The following HERC3 variants were observed in gnomAD, a reference collection of about 807,000 sequenced individuals.
The protein encoded by HERC3 is HECT and RLD domain containing E3 ubiquitin protein ligase 3, also known as probable E3 ubiquitin-protein ligase HERC3.
HERC3 carries 58 observed loss-of-function variants against 129.9 expected under a neutral mutation model. That is an observed-to-expected ratio of 0.45 (90% CI 0.36 to 0.56). The LOEUF is 0.56. HERC3 is among the 20% of genes least tolerant of loss of function. The pLI, the probability that HERC3 is intolerant of heterozygous loss-of-function variation, is 0.00. For synonymous variants in HERC3, 430 were observed against 451.0 expected, an observed-to-expected ratio of 0.95 and a Z score of 0.59; for missense variants, 835 against 1,244.2, an observed-to-expected ratio of 0.67 and a Z score of 4.95.
At chr4:88,655,854 A>G (rs1729839061) in intron 8 of HERC3, 21 bp from the exon 9 acceptor site, 2 of 1,600,286 alleles carry the variant, frequency 1.2e-6, no homozygotes, top group African/African-American at 1.3e-5. Context: ...TATGCTGATG[A>G]GTTAAATTAT....
intron 3 of HERC3, among the ~76,000 whole-genome samples, chr4:88,648,110 T>C (rs1441937833): frequency 6.6e-6 from 1 of 152,230 alleles, no homozygotes; most frequent in East Asian, 1.9e-4. Context: ...TAGTTTTTCC[T>C]GAAGTTACTG....
At chr4:88,555,615 G>A in the HERC3 span, among the ~76,000 whole-genome samples, 1 of 152,158 alleles carries the variant, frequency 6.6e-6, no homozygotes, top group South Asian at 2.1e-4. Context: ...GGTATTTTGT[G>A]TATTTATTGA....
the HERC3 span, among the ~76,000 whole-genome samples, chr4:88,572,773 C>A: frequency 6.7e-6 from 1 of 150,130 alleles, no homozygotes. Context: ...TGTACCACTG[C>A]ACTCCAGCCT....
the HERC3 span, among the ~76,000 whole-genome samples, chr4:88,529,627 G>A: frequency 4.6e-5 from 7 of 151,956 alleles, no homozygotes; most frequent in East Asian, 1.9e-4. Context: ...GGTGGCAGGC[G>A]CCAGTAATCC....
chr4:88,661,478 GA>G (rs993608276), intron 10 of HERC3, among the ~76,000 whole-genome samples: 2 of 151,972 alleles, frequency 1.3e-5, no homozygotes, highest in Admixed American at 6.6e-5. Flanking sequence ...GTACAAAGGA[GA>G]AAAAAAATCT....
intron 3 of HERC3, among the ~76,000 whole-genome samples, chr4:88,632,214 A>G (rs1345430721): frequency 1.3e-5 from 2 of 152,216 alleles, no homozygotes; most frequent in Admixed American, 1.3e-4. Flanking sequence ...CTTAGCATAT[A>G]AATGATCTTG....
chr4:88,627,340 A>G (rs959624623), intron 3 of HERC3, among the ~76,000 whole-genome samples: 1 of 152,212 alleles, frequency 6.6e-6, no homozygotes, highest in African/African-American at 2.4e-5. Flanking sequence ...AATTACAACA[A>G]TAAAAATAAT....
At chr4:88,544,280 C>T in the HERC3 span, among the ~76,000 whole-genome samples, 1 of 152,182 alleles carries the variant, frequency 6.6e-6, no homozygotes, top group Non-Finnish European at 1.5e-5. Context: ...AGACACTTCT[C>T]AAAAGAAGAC....
At chr4:88,564,577 A>T in the HERC3 span, among the ~76,000 whole-genome samples, 1 of 152,264 alleles carries the variant, frequency 6.6e-6, no homozygotes, top group Non-Finnish European at 1.5e-5. Context: ...CTGTGGTATC[A>T]GTTGCAATGT....
intron 2 of HERC3, among the ~76,000 whole-genome samples, chr4:88,597,085 G>GT (rs918254326): frequency 3.3e-5 from 5 of 151,696 alleles, no homozygotes; most frequent in Non-Finnish European, 7.4e-5. Flanking sequence ...TTTGTTTTTT[G>GT]TTTTTTTCCT....
At chr4:88,594,618 A>G (rs75432291) in intron 1 of HERC3, among the ~76,000 whole-genome samples, 3,156 of 152,220 alleles carry the variant, frequency 0.021, 55 homozygotes, top group Non-Finnish European at 0.032. Flanking sequence ...GGGTTTTGCC[A>G]TGTTGCTCAG....
intron 3 of HERC3, among the ~76,000 whole-genome samples, chr4:88,616,969 A>G (rs1051492192): frequency 6.6e-6 from 1 of 152,038 alleles, no homozygotes; most frequent in Admixed American, 6.6e-5. Flanking sequence ...AAGCCTGCAT[A>G]TATTCCCCAA....
the HERC3 span, among the ~76,000 whole-genome samples, chr4:88,551,226 C>T: frequency 6.6e-6 from 1 of 152,286 alleles, no homozygotes; most frequent in Non-Finnish European, 1.5e-5. Context: ...TAGACATGGG[C>T]AAGGACTTCA....
At chr4:88,681,018 T>A in intron 20 of HERC3, 141 bp from the exon 21 acceptor site, 1 of 1,431,246 alleles carries the variant, frequency 7.0e-7, no homozygotes, top group Non-Finnish European at 9.1e-7. Context: ...TGTCAGGGTG[T>A]TTCTTTGCTA....
chr4:88,655,124 G>T, intron 7 of HERC3, 50 bp from the exon 8 acceptor site: 2 of 1,599,434 alleles, frequency 1.3e-6, no homozygotes, highest in South Asian at 2.2e-5. Flanking sequence ...GGGTTTAGAG[G>T]TATACCCTTA....
chr4:88,634,102 G>A (rs1184911355), intron 3 of HERC3, among the ~76,000 whole-genome samples: 1 of 148,828 alleles, frequency 6.7e-6, no homozygotes, highest in Non-Finnish European at 1.5e-5. Context: ...AGTGTGGTGC[G>A]GCGGCCCACC....
In HERC3 at chr4:88,668,004, C is replaced by G; in HGVS notation, c.1556C>G (p.Ser519Cys). 1 of 1,613,486 alleles carries G rather than the reference C, an allele frequency of 6.2e-7. No homozygotes were observed. Among genetic ancestry groups the G allele is most frequent in the African/African-American group, 1.3e-5 (1 of 75,028 alleles). Residue 519 changes from serine (S) to cysteine (C), a missense_variant, in exon 14 of 26, where the codon TCC becomes TGC. By Grantham distance (112) the Ser-to-Cys change is moderately radical. Coordinates refer to ENST00000402738, the MANE Select transcript of HERC3 (RefSeq NM_014606.3). ...CCTGAGTTTCCCCTACTCCAGGATT[C>G]CAAGTATTATATAACATTGACTATT... Reference protein sequence around the residue: ...ILPEFPLLQDSKYYITLTIPL... With the variant: ...ILPEFPLLQDCKYYITLTIPL...
At chr4:88,573,485 G>T in the HERC3 span, among the ~76,000 whole-genome samples, 1 of 152,186 alleles carries the variant, frequency 6.6e-6, no homozygotes, top group Non-Finnish European at 1.5e-5. Flanking sequence ...TGCCTACTTT[G>T]ACTTCTGGAA....
At chr4:88,604,253 A>G (rs1237123340) in intron 2 of HERC3, among the ~76,000 whole-genome samples, 2 of 152,200 alleles carry the variant, frequency 1.3e-5, no homozygotes, top group Non-Finnish European at 2.9e-5. Flanking sequence ...TCCCGACCTC[A>G]GGTGGTCCGC....
Sources: allele counts gnomAD v4.1 joint callset (sites outside exome capture counted in the v4.1 genomes callset), GRCh38; gene constraint gnomAD v4.1.1; transcripts MANE v1.5; gene names NCBI Gene and HGNC (gene_info 2026-07-23, HGNC 2026-07-21).